The following ARHGAP24 variants were observed in gnomAD, a reference collection of about 807,000 sequenced individuals.
ARHGAP24 encodes rho GTPase-activating protein 24.
ARHGAP24 carries 50 observed loss-of-function variants against 76.4 expected under a neutral mutation model. The observed-to-expected ratio is 0.65, with a 90% CI of 0.52 to 0.83. The LOEUF (loss-of-function observed/expected upper bound fraction) is 0.83. Ranked by LOEUF, ARHGAP24 falls within the 40% of genes least tolerant of loss-of-function variation. ARHGAP24 has a pLI of 0.00. For missense variants in ARHGAP24, 930 were observed against 914.2 expected, an observed-to-expected ratio of 1.02 and a Z score of -0.22; for synonymous variants, 345 against 323.3, an observed-to-expected ratio of 1.07 and a Z score of -0.72.
At chr4:85,554,916 G>T (rs1368422897) in intron 1 of ARHGAP24, among the ~76,000 whole-genome samples, 1 of 151,250 alleles carries the variant, frequency 6.6e-6, no homozygotes, top group East Asian at 1.9e-4. Context: ...TCCTGACCTC[G>T]TGATCTGCCC....
chr4:85,933,269 T>C (rs1736452224), intron 4 of ARHGAP24, among the ~76,000 whole-genome samples: 1 of 152,178 alleles, frequency 6.6e-6, no homozygotes, highest in Admixed American at 6.5e-5. Context: ...GATCCACATG[T>C]AAAATATATA....
intron 5 of ARHGAP24, among the ~76,000 whole-genome samples, chr4:85,960,319 G>C (rs1738167651): frequency 6.6e-6 from 1 of 152,100 alleles, no homozygotes; most frequent in African/African-American, 2.4e-5. Flanking sequence ...TGGTTACAGA[G>C]TCTCTAAGGA....
chr4:85,809,964 G>A (rs995196616), intron 3 of ARHGAP24, among the ~76,000 whole-genome samples: 2 of 152,178 alleles, frequency 1.3e-5, no homozygotes, highest in African/African-American at 4.8e-5. Context: ...TTGAGGGCAA[G>A]TCACTTAAAA....
chr4:85,507,644 C>A (rs1050930678), intron 1 of ARHGAP24, among the ~76,000 whole-genome samples: 1 of 152,094 alleles, frequency 6.6e-6, no homozygotes, highest in African/African-American at 2.4e-5. Flanking sequence ...GTTTTCTGAC[C>A]TAAAAATAGT....
intron 2 of ARHGAP24, among the ~76,000 whole-genome samples, chr4:85,699,558 T>C (rs900386236): frequency 6.6e-6 from 1 of 151,858 alleles, no homozygotes; most frequent in Non-Finnish European, 1.5e-5. Context: ...GCTATGATCA[T>C]GCCACTGCAC....
intron 4 of ARHGAP24, among the ~76,000 whole-genome samples, chr4:85,927,779 T>C (rs1736096277): frequency 6.6e-6 from 1 of 152,194 alleles, no homozygotes; most frequent in Admixed American, 6.5e-5. Context: ...TTTAAAAAGC[T>C]AAAGTTTTTC....
intron 3 of ARHGAP24, among the ~76,000 whole-genome samples, chr4:85,864,035 ATCT>A (rs1732051519): frequency 6.6e-6 from 1 of 152,072 alleles, no homozygotes; most frequent in African/African-American, 2.4e-5. Flanking sequence ...TCCCATCTTA[ATCT>A]TCTTATGCAA....
chr4:85,488,318 TG>T (rs1449787450), intron 1 of ARHGAP24, among the ~76,000 whole-genome samples: 1 of 152,056 alleles, frequency 6.6e-6, no homozygotes, highest in Non-Finnish European at 1.5e-5. Flanking sequence ...CCTATAAATT[TG>T]GTGAAAGTTT....
intron 8 of ARHGAP24, among the ~76,000 whole-genome samples, chr4:85,993,859 A>G (rs529430267): frequency 1.3e-5 from 2 of 151,974 alleles, no homozygotes; most frequent in African/African-American, 2.4e-5. Flanking sequence ...TTAAGTAAAC[A>G]CTCTCCAGAT....
intron 2 of ARHGAP24, among the ~76,000 whole-genome samples, chr4:85,623,230 G>A (rs1433732804): frequency 6.6e-6 from 1 of 152,092 alleles, no homozygotes; most frequent in South Asian, 2.1e-4. Context: ...ATGGTTTTAG[G>A]TCTAACATGT....
chr4:85,498,091 ATTTTC>A (rs1408202949), intron 1 of ARHGAP24, among the ~76,000 whole-genome samples: 4 of 152,280 alleles, frequency 2.6e-5, no homozygotes, highest in East Asian at 3.9e-4. Flanking sequence ...CTAATAGTTT[ATTTTC>A]TTTTCTTTGG....
At chr4:85,561,673 TA>T (rs1220974671) in intron 1 of ARHGAP24, among the ~76,000 whole-genome samples, 3 of 152,370 alleles carry the variant, frequency 2.0e-5, no homozygotes, top group East Asian at 1.9e-4. Context: ...CTATCTGGTA[TA>T]TTTTTTTACC....
chr4:85,970,109 A>G (rs1335811860), intron 5 of ARHGAP24, among the ~76,000 whole-genome samples: 2 of 152,148 alleles, frequency 1.3e-5, no homozygotes, highest in Non-Finnish European at 2.9e-5. Context: ...CTTACCCTGA[A>G]GGAGGTGAAG....
intron 3 of ARHGAP24, among the ~76,000 whole-genome samples, chr4:85,920,365 A>G (rs568797119): frequency 1.4e-4 from 21 of 152,310 alleles, no homozygotes; most frequent in African/African-American, 4.8e-4. Flanking sequence ...CTTATACCAT[A>G]TACAAAAATC....
At chr4:85,487,776 T>TTATTATATATTATATAATATATATA (rs1723170129) in intron 1 of ARHGAP24, among the ~76,000 whole-genome samples, 1 of 108,018 alleles carries the variant, frequency 9.3e-6, no homozygotes, top group African/African-American at 3.8e-5. Context: ...TAATATATAT[T>TTATTATATATTATATAATATATATA]TATTATATAT....
chr4:85,996,640 T>A (rs1350598940), intron 9 of ARHGAP24, among the ~76,000 whole-genome samples: 1 of 152,204 alleles, frequency 6.6e-6, no homozygotes, highest in Non-Finnish European at 1.5e-5. Context: ...GATTGAAAAA[T>A]TACTTCCTTG....
At chr4:85,874,013 T>C (rs1475923803) in intron 3 of ARHGAP24, among the ~76,000 whole-genome samples, 2 of 152,216 alleles carry the variant, frequency 1.3e-5, no homozygotes, top group Non-Finnish European at 2.9e-5. Flanking sequence ...ACTCTGTGTA[T>C]GGATTCCTTT....
chr4:85,729,526 G>A (rs1208504892), intron 3 of ARHGAP24, among the ~76,000 whole-genome samples: 4 of 152,118 alleles, frequency 2.6e-5, no homozygotes, highest in African/African-American at 4.8e-5. Context: ...ATGATCATAC[G>A]ATCCTCCTGT....
intron 2 of ARHGAP24, among the ~76,000 whole-genome samples, chr4:85,689,294 A>G (rs1723542809): frequency 6.6e-6 from 1 of 152,138 alleles, no homozygotes; most frequent in African/African-American, 2.4e-5. Context: ...TAAGCATTTC[A>G]TTTTATTGAT....
Sources: allele counts gnomAD v4.1 joint callset (sites outside exome capture counted in the v4.1 genomes callset), GRCh38; gene constraint gnomAD v4.1.1; transcripts MANE v1.5; gene names NCBI Gene and HGNC (gene_info 2026-07-23, HGNC 2026-07-21).